The following TOP3B variants were observed in gnomAD, a reference collection of about 807,000 sequenced individuals.
TOP3B encodes DNA topoisomerase 3-beta-1.
TOP3B carries 45 observed loss-of-function variants against 93.9 expected under a neutral mutation model. That is an observed-to-expected ratio of 0.48 (90% CI 0.38 to 0.61). The LOEUF is 0.61. Ranked by LOEUF, TOP3B falls within the 20% of genes least tolerant of loss-of-function variation. The pLI is 0.00. For missense variants in TOP3B, 750 were observed against 1,156.1 expected (o/e 0.65, Z 5.09); for synonymous variants, 357 against 472.6 (o/e 0.76, Z 3.17).
Position 21,971,960 on chromosome 22 carries a change from CA to C in TOP3B, c.310-10del. 1 of 1,613,108 alleles carries C rather than the reference CA, an allele frequency of 6.2e-7. No individual in the cohort carries two copies. On this transcript the variant is annotated splice_polypyrimidine_tract_variant and intron_variant, in intron 4 of 17. Coordinates refer to ENST00000357179, the MANE Select transcript of TOP3B (RefSeq NM_001282112.2). The surrounding 1 kb of genome is among the most constrained non-coding windows in gnomAD (Gnocchi z 4.6). Reference sequence around the variant, plus strand: ...CAGCCTCTGCCCTCCACCTGCCACACAGCACAGGTTCACACGTACCTGCTGC... The same window carrying C: ...CAGCCTCTGCCCTCCACCTGCCACACGCACAGGTTCACACGTACCTGCTGC...
chr22:21,959,109 G>C, intron 16 of TOP3B, 23 bp downstream of exon 16: 1 of 1,612,586 alleles, frequency 6.2e-7, no homozygotes, highest in Non-Finnish European at 8.5e-7. Context: ...CAGCTTGCCT[G>C]AGCTAGTGTT....
At chr22:21,962,656 C>G in intron 12 of TOP3B, 54 bp from the exon 13 acceptor site, 1 of 1,606,086 alleles carries the variant, frequency 6.2e-7, no homozygotes, top group South Asian at 1.1e-5. Flanking sequence ...GCCGGGGCCT[C>G]AGACCCTGGG....
At chr22:21,977,532 CAAAAAAAAAAAA>C in intron 1 of TOP3B, 1 of 77,042 alleles carries the variant, frequency 1.3e-5, no homozygotes, top group African/African-American at 4.6e-5. Context: ...CCATCTCAAA[CAAAAAAAAAAAA>C]AAAAAAAAAA....
At chr22:21,975,511 A>T in intron 2 of TOP3B, 129 bp downstream of exon 2, 1 of 1,063,160 alleles carries the variant, frequency 9.4e-7, no homozygotes, top group Admixed American at 2.9e-5. Context: ...ACATACTGAG[A>T]TGCTTCATTA....
At chr22:21,979,941 CAA>C (rs57880095) in intron 1 of TOP3B, among the ~76,000 whole-genome samples, 12 of 53,438 alleles carry the variant, frequency 2.2e-4, no homozygotes, top group African/African-American at 3.8e-4. Context: ...ACTCCATCTC[CAA>C]AAAAAAAAAA....
chr22:21,974,454 G>GGC lies in TOP3B; in HGVS notation c.103_104dup (p.Cys36ProfsTer20). The GGC allele has an allele frequency of 6.2e-7, 1 of 1,613,550 alleles. No homozygotes were observed. Among genetic ancestry groups the GGC allele is most frequent in the Non-Finnish European group, 8.5e-7 (1 of 1,179,698 alleles). The stretch of plus-strand genomic sequence containing the variant: ...TCCCAGTGTACTCGTGGACTGAGCA[G>GGC]GCCCCGTTCAGCCCTTTGTGTGAGG... On this transcript the variant is annotated frameshift_variant, in exon 3 of 18. Coordinates refer to ENST00000357179, the MANE Select transcript of TOP3B (RefSeq NM_001282112.2). LOFTEE classifies it high-confidence loss of function.
intron 1 of TOP3B, among the ~76,000 whole-genome samples, chr22:21,979,299 T>C (rs1018075637): frequency 1.3e-5 from 2 of 151,516 alleles, no homozygotes; most frequent in African/African-American, 2.4e-5. Flanking sequence ...GAGCAGGAAG[T>C]GGGAGTCAAA....
Position 21,958,441 on chromosome 22 carries a change from C to T in TOP3B, c.2107+51G>A, listed in dbSNP as rs573079285. The T allele has an allele frequency of 3.5e-5, 56 of 1,612,418 alleles. No individual in the cohort carries two copies. The East Asian group carries it at 1.2e-3, about 35-fold the overall frequency. On this transcript the variant is annotated intron_variant, in intron 17 of 17. Transcript: ENST00000357179. ...GCCTGGTGCAAGGCAGGGGTTGGCA[C>T]TGAAAAGAGACTGCAGCTACCTGTG...
chr22:21,958,459 T>C, intron 17 of TOP3B, 33 bp downstream of exon 17: 1 of 1,613,538 alleles, frequency 6.2e-7, no homozygotes, highest in Non-Finnish European at 8.5e-7. Context: ...AGACTGCAGC[T>C]ACCTGTGGAC....
rs545634728 is a variant in TOP3B at position 21,971,251 on chromosome 22, C to T, written c.384+626G>A. ...GTCTCACTGACCAGCTCTTGAGCCA[C>T]GGGTGAGAGCTGGGGGTACAGGAGC... On this transcript the variant is annotated intron_variant, in intron 5 of 17. Coordinates refer to ENST00000357179, the MANE Select transcript of TOP3B (RefSeq NM_001282112.2). The surrounding 1 kb of genome is among the most constrained non-coding windows in gnomAD (Gnocchi z 4.6). 1.9e-5 allele frequency: 6 copies of T among 317,066 alleles called. No individual in the cohort carries two copies. The highest frequency in any genetic ancestry group is 3.1e-5 in the Non-Finnish European group (5 of 161,546). 19.6% of individuals were successfully genotyped at this position (317,066 alleles called of 1,614,324 possible). A position where few individuals can be genotyped will look rare whatever the true frequency, so the allele number is the denominator to read the frequency against.
In TOP3B at chr22:21,974,383, C is replaced by T. The variant is rs2071771342; in HGVS notation, c.176G>A (p.Gly59Asp). Reference protein sequence around the residue: ...PVRFKMTSVCGHVMTLDFLGK... With the variant: ...PVRFKMTSVCDHVMTLDFLGK... ...CAGGAAATCCAGGGTCATCACGTGA[C>T]CACAGACAGACGTCATCTTGAAGCG... The change falls in exon 3 of 18, where the codon GGT becomes GAT. Residue 59 changes from glycine to aspartate, a missense_variant. This residue lies in a region of TOP3B where 737 missense variants were observed against 933.7 expected (regional missense o/e 0.79). Coordinates refer to ENST00000357179, the MANE Select transcript of TOP3B (RefSeq NM_001282112.2). 6.2e-7 allele frequency: 1 copy of T among 1,614,142 alleles called. No individual in the cohort carries two copies.
At position 21,971,278 on chromosome 22, in the gene TOP3B, CG is replaced by C; in HGVS notation, c.384+598del. On this transcript the variant is annotated intron_variant, in intron 5 of 17. Coordinates refer to ENST00000357179, the MANE Select transcript of TOP3B (RefSeq NM_001282112.2). This position sits in a 1 kb window ranked among gnomAD's most constrained non-coding sequence, Gnocchi z 4.6. ...GGTGAGAGCTGGGGGTACAGGAGCA[CG>C]GGGGCGACCCATAGAACAACAGTCT... 3.9e-6 allele frequency: 1 copy of C among 255,894 alleles called. No individual in the cohort carries two copies. The highest frequency in any genetic ancestry group is 7.4e-6 in the Non-Finnish European group (1 of 134,794). The allele number at this position is 255,894 out of a possible 1,614,324, so 15.9% of individuals were successfully genotyped here. A position where few individuals can be genotyped will look rare whatever the true frequency, so the allele number is the denominator to read the frequency against.
rs1403085449 is a variant in TOP3B at position 21,958,616 on chromosome 22, G to A, written c.1983C>T (p.Tyr661=). 1.9e-6 allele frequency: 3 copies of A among 1,613,994 alleles called. No individual in the cohort carries two copies. Among genetic ancestry groups the A allele is most frequent in the Non-Finnish European group, 1.7e-6 (2 of 1,180,050 alleles). Residue 661 remains tyrosine, a synonymous_variant, in exon 17 of 18, where the codon TAC becomes TAT. Transcript: ENST00000357179. The stretch of plus-strand genomic sequence containing the variant: ...CATCCAGAGGGCAGCGGAGCTCCTT[G>A]TAGAGCTTGATGGTGCCGTTCTGGG... The part of the protein sequence containing the change: ...TLPQNGTIKL[Y]KELRCPLDDF...
At chr22:21,974,310 T>C (rs1715265734) in intron 3 of TOP3B, 47 bp downstream of exon 3, 3 of 1,589,210 alleles carry the variant, frequency 1.9e-6, no homozygotes, top group South Asian at 1.1e-5. Context: ...CCCTGGCCAG[T>C]GCCATGCAGA....
chr22:21,965,431 G>T, intron 8 of TOP3B, 56 bp from the exon 9 acceptor site: 2 of 1,169,996 alleles, frequency 1.7e-6, no homozygotes, highest in Non-Finnish European at 2.4e-6. Flanking sequence ...ACCATAGAGG[G>T]AATCAAGATG....
At chr22:21,974,534 G>C (rs750139330) in intron 2 of TOP3B, 46 bp from the exon 3 acceptor site, 26 of 1,546,522 alleles carry the variant, frequency 1.7e-5, no homozygotes, top group Non-Finnish European at 2.3e-5. Flanking sequence ...CAGCTGAGCT[G>C]AAGACCCTGT....
intron 1 of TOP3B, among the ~76,000 whole-genome samples, chr22:21,978,307 A>T (rs1044692747): frequency 6.6e-6 from 1 of 152,096 alleles, no homozygotes; most frequent in African/African-American, 2.4e-5. Flanking sequence ...CACACCTGCC[A>T]TGGGCTCACA....
At chr22:21,967,357 A>G in intron 8 of TOP3B, 1 of 470,946 alleles carries the variant, frequency 2.1e-6, no homozygotes, top group Non-Finnish European at 3.8e-6. Context: ...GGGTCCGACA[A>G]GGTCACAGGT....
At chr22:21,972,931 G>A in intron 3 of TOP3B, 2 of 555,708 alleles carry the variant, frequency 3.6e-6, no homozygotes, top group Admixed American at 3.0e-5. Context: ...CTGCTCGGCT[G>A]CTGAGCGGAC....
Sources: allele counts gnomAD v4.1 joint callset (sites outside exome capture counted in the v4.1 genomes callset), GRCh38; gene constraint gnomAD v4.1.1; regional missense constraint gnomAD v4.1.1; non-coding constraint Gnocchi (gnomAD v3.1); transcripts MANE v1.5; gene names NCBI Gene and HGNC (gene_info 2026-07-23, HGNC 2026-07-21).